The following THSD7B variants were observed in gnomAD, a reference collection of about 807,000 sequenced individuals.
The protein encoded by THSD7B is thrombospondin type-1 domain-containing protein 7B.
A neutral mutation model predicts 213.6 loss-of-function variants in THSD7B; 138 were observed. The ratio of observed to expected loss-of-function variants is 0.65; its 90% CI spans 0.56 to 0.74. THSD7B has a LOEUF of 0.74. Among genes scored for constraint, THSD7B ranks in the 30% least tolerant of loss-of-function variants. The probability of loss-of-function intolerance (pLI) is 0.00; values close to 1 mark genes in which losing one functional copy is unlikely to be tolerated. For synonymous variants in THSD7B, 742 were observed against 687.0 expected (o/e 1.08, Z -1.25); for missense variants, 1,931 against 1,991.5 (o/e 0.97, Z 0.58).
At chr2:137,445,805 T>C (rs2105059575) in intron 14 of THSD7B, among the ~76,000 whole-genome samples, 1 of 152,070 alleles carries the variant, frequency 6.6e-6, no homozygotes, top group Non-Finnish European at 1.5e-5. Context: ...TGGTGATGGA[T>C]AGCCCAGTTA....
intron 12 of THSD7B, among the ~76,000 whole-genome samples, chr2:137,277,598 G>GA (rs1180361670): frequency 6.6e-6 from 1 of 152,046 alleles, no homozygotes; most frequent in Non-Finnish European, 1.5e-5. Context: ...AAAGAACAAG[G>GA]AATACAGTAA....
At chr2:137,377,454 CA>C (rs912335561) in intron 12 of THSD7B, among the ~76,000 whole-genome samples, 10 of 151,960 alleles carry the variant, frequency 6.6e-5, no homozygotes, top group African/African-American at 2.4e-4. Context: ...TTGGGAAAAT[CA>C]TTTTTTTTCT....
rs77356651 is a variant in THSD7B, at chr2:137,093,294, G to A, written c.951-1579G>A. Among the ~76,000 whole-genome samples the A allele has an allele frequency of 8.9e-3, 1,349 of 152,262 alleles. 17 individuals are homozygous for A. The highest frequency in any genetic ancestry group is 0.031 in the African/African-American group (1,268 of 41,544). ...CCTCCTCGCACTTTATGCTTCAGGAGAACAAATGGGCTCCTACGTTTCCCC... is the reference window on the plus strand; with the variant it reads ...CCTCCTCGCACTTTATGCTTCAGGAAAACAAATGGGCTCCTACGTTTCCCC... On this transcript the variant is annotated intron_variant, in intron 3 of 27. Coordinates refer to ENST00000409968, the MANE Select transcript of THSD7B (RefSeq NM_001316349.2).
intron 2 of THSD7B, among the ~76,000 whole-genome samples, chr2:137,020,089 A>G (rs1456496311): frequency 1.3e-5 from 2 of 152,326 alleles, no homozygotes; most frequent in East Asian, 1.9e-4. Flanking sequence ...ATAACTAGCT[A>G]TGGAAGTCCC....
intron 17 of THSD7B, among the ~76,000 whole-genome samples, chr2:137,608,986 C>T (rs1682238388): frequency 6.6e-6 from 1 of 152,176 alleles, no homozygotes; most frequent in Non-Finnish European, 1.5e-5. Flanking sequence ...GATAAGAGTG[C>T]ACTGCACTTG....
At chr2:136,790,233 T>C (rs1028458984) in intron 1 of THSD7B, among the ~76,000 whole-genome samples, 2 of 151,966 alleles carry the variant, frequency 1.3e-5, no homozygotes, top group African/African-American at 2.4e-5. Context: ...AGTCCTCACT[T>C]TTGATGAATT....
At chr2:137,085,421 AAAAAT>A (rs1336455274) in intron 3 of THSD7B, among the ~76,000 whole-genome samples, 1 of 152,204 alleles carries the variant, frequency 6.6e-6, no homozygotes, top group African/African-American at 2.4e-5. Flanking sequence ...GAAATAAAAT[AAAAAT>A]ATTTTATTAT....
chr2:137,247,861 A>G (rs1682075118), intron 10 of THSD7B, among the ~76,000 whole-genome samples: 1 of 152,198 alleles, frequency 6.6e-6, no homozygotes, highest in Non-Finnish European at 1.5e-5. Flanking sequence ...TCTGCCATAC[A>G]AATTACTTTA....
intron 2 of THSD7B, among the ~76,000 whole-genome samples, chr2:136,940,614 A>G (rs1329107713): frequency 6.6e-6 from 1 of 150,486 alleles, no homozygotes; most frequent in Non-Finnish European, 1.5e-5. Context: ...CTGGTCTTGA[A>G]CTCTTGAGCT....
chr2:137,075,596 A>G lies in THSD7B; in HGVS notation c.950+18366A>G, dbSNP rs560126656. On this transcript the variant is annotated intron_variant, in intron 3 of 27. Coordinates refer to ENST00000409968, the MANE Select transcript of THSD7B (RefSeq NM_001316349.2). The stretch of plus-strand genomic sequence containing the variant: ...CTTCTTCTCTCAACTCGTTAAAGTC[A>G]TTCTCCGTCCAGCTTTGTTCTGTTG... 2.0e-5 allele frequency among the ~76,000 whole-genome samples: 3 copies of G among 152,272 alleles called. No individual in the cohort carries two copies. In the South Asian group the frequency reaches 6.2e-4, roughly 32 times the overall value.
At chr2:137,206,126 G>C (rs1680979388) in intron 7 of THSD7B, among the ~76,000 whole-genome samples, 1 of 151,594 alleles carries the variant, frequency 6.6e-6, no homozygotes, top group Non-Finnish European at 1.5e-5. Context: ...TGGAGGCAGA[G>C]TATTTGATTT....
At chr2:137,063,565 A>T (rs1687319213) in intron 3 of THSD7B, among the ~76,000 whole-genome samples, 1 of 152,032 alleles carries the variant, frequency 6.6e-6, no homozygotes, top group Admixed American at 6.6e-5. Flanking sequence ...AAAATGCACA[A>T]TTAAATTATT....
At chr2:137,376,108 A>G (rs1685649166) in intron 12 of THSD7B, among the ~76,000 whole-genome samples, 1 of 152,200 alleles carries the variant, frequency 6.6e-6, no homozygotes, top group Non-Finnish European at 1.5e-5. Flanking sequence ...GAATCTTTGC[A>G]GTTGTTTTTC....
chr2:137,361,723 T>G (rs1378023040), intron 12 of THSD7B, among the ~76,000 whole-genome samples: 1 of 152,112 alleles, frequency 6.6e-6, no homozygotes, highest in African/African-American at 2.4e-5. Context: ...CCAAGAAATA[T>G]GAGACTACGT....
At chr2:136,865,925 A>G (rs1683324168) in intron 1 of THSD7B, among the ~76,000 whole-genome samples, 1 of 152,216 alleles carries the variant, frequency 6.6e-6, no homozygotes, top group African/African-American at 2.4e-5. Context: ...TAAAGCAGGT[A>G]GAGGGTTAAG....
intron 12 of THSD7B, among the ~76,000 whole-genome samples, chr2:137,278,250 A>G (rs1682916499): frequency 6.6e-6 from 1 of 152,102 alleles, no homozygotes; most frequent in Non-Finnish European, 1.5e-5. Context: ...TGTCACTGTG[A>G]TATTTCAGAC....
rs756069944 is a variant in THSD7B at position 137,272,587 on chromosome 2, A to G, written c.2321A>G (p.Asn774Ser). The G allele has an allele frequency of 2.0e-5, 33 of 1,612,212 alleles. No homozygotes were observed. The highest frequency in any genetic ancestry group is 1.6e-4 in the African/African-American group (12 of 74,830). Residue 774 changes from asparagine to serine, a missense_variant, in exon 11 of 28, where the codon AAT (asparagine) becomes AGT (serine). Transcript: ENST00000409968. Reference sequence around the variant, plus strand: ...AGAATCATCATCCAAGAAGCAGCCAATGGAGGCCAGGAATGCCCAGATACC... The same window carrying G: ...AGAATCATCATCCAAGAAGCAGCCAGTGGAGGCCAGGAATGCCCAGATACC... ...RYRIIIQEAA[N>S]GGQECPDTLY...
At chr2:137,232,255 T>C (rs1238645912) in intron 8 of THSD7B, among the ~76,000 whole-genome samples, 1 of 152,186 alleles carries the variant, frequency 6.6e-6, no homozygotes, top group Non-Finnish European at 1.5e-5. Context: ...GTCTGACTCA[T>C]CCAAGAGTCT....
intron 7 of THSD7B, among the ~76,000 whole-genome samples, chr2:137,180,925 C>T (rs903354319): frequency 6.6e-6 from 1 of 152,188 alleles, no homozygotes; most frequent in Non-Finnish European, 1.5e-5. Context: ...GTGGGCTAGA[C>T]TCATGAAACC....
Sources: gnomAD v4.1 joint callset for allele counts (sites outside exome capture counted in the v4.1 genomes callset) on GRCh38, gnomAD v4.1.1 for gene constraint, MANE v1.5 for transcripts, NCBI Gene and HGNC (gene_info 2026-07-23, HGNC 2026-07-21) for gene names.